Variants in HMGA2 observed in about 807,000 individuals in gnomAD.
HMGA2 encodes the protein high mobility group protein HMGI-C.
A neutral mutation model predicts 19.1 loss-of-function variants in HMGA2; 8 were observed. The ratio of observed to expected loss-of-function variants is 0.42; its 90% CI spans 0.25 to 0.76. The LOEUF (loss-of-function observed/expected upper bound fraction) is 0.76. Ranked by LOEUF, HMGA2 falls within the 30% of genes least tolerant of loss-of-function variation. HMGA2 has a pLI of 0.28. For synonymous variants in HMGA2, 60 were observed against 48.8 expected (o/e 1.23, Z -0.96); for missense variants, 109 against 136.3 (o/e 0.80, Z 1.00).
At chr12:65,839,661 A>G (rs1870908842) in intron 3 of HMGA2, among the ~76,000 whole-genome samples, 1 of 152,200 alleles carries the variant, frequency 6.6e-6, no homozygotes, top group Non-Finnish European at 1.5e-5. Context: ...GATGATCTTT[A>G]GATGAAAAAC....
At chr12:65,897,269 C>T (rs975635882) in intron 3 of HMGA2, among the ~76,000 whole-genome samples, 1 of 152,058 alleles carries the variant, frequency 6.6e-6, no homozygotes, top group African/African-American at 2.4e-5. Context: ...TTAATGTACA[C>T]TTAAATTATT....
chr12:65,961,220 A>C (rs1876741463), intron 4 of HMGA2, among the ~76,000 whole-genome samples: 2 of 152,316 alleles, frequency 1.3e-5, no homozygotes, highest in South Asian at 4.1e-4. Context: ...TCAGAATGAG[A>C]AGTGAATCAT....
At chr12:65,952,401 T>C in intron 4 of HMGA2, 1 of 1,534,954 alleles carries the variant, frequency 6.5e-7, no homozygotes, top group Non-Finnish European at 8.7e-7. Flanking sequence ...CAATCTTATA[T>C]ATCTACTGTT....
At chr12:65,892,357 G>A (rs1463734982) in intron 3 of HMGA2, among the ~76,000 whole-genome samples, 1 of 152,104 alleles carries the variant, frequency 6.6e-6, no homozygotes, top group Non-Finnish European at 1.5e-5. Flanking sequence ...AGCACCACGA[G>A]AGTCGTCCCA....
chr12:65,878,924 T>C (rs1213860100), intron 3 of HMGA2, among the ~76,000 whole-genome samples: 2 of 152,210 alleles, frequency 1.3e-5, no homozygotes, highest in African/African-American at 2.4e-5. Context: ...ATAGGTAAGA[T>C]AGAAAGTGTA....
At chr12:65,896,108 G>T (rs897072186) in intron 3 of HMGA2, among the ~76,000 whole-genome samples, 1 of 152,334 alleles carries the variant, frequency 6.6e-6, no homozygotes, top group Admixed American at 6.5e-5. Flanking sequence ...TAGAAGTTCT[G>T]TAGTTCATCC....
chr12:65,877,812 T>C (rs1873130490), intron 3 of HMGA2, among the ~76,000 whole-genome samples: 1 of 149,190 alleles, frequency 6.7e-6, no homozygotes, highest in Non-Finnish European at 1.5e-5. Flanking sequence ...TTGTCTTTGC[T>C]TCAAAAAAAA....
At chr12:65,959,671 G>T (rs1430614571) in intron 4 of HMGA2, among the ~76,000 whole-genome samples, 2 of 152,154 alleles carry the variant, frequency 1.3e-5, no homozygotes, top group Non-Finnish European at 2.9e-5. Flanking sequence ...CTTGACCAAA[G>T]AGTGGCTGTT....
chr12:65,919,238 CT>C (rs1875217215), intron 3 of HMGA2, among the ~76,000 whole-genome samples: 2 of 152,298 alleles, frequency 1.3e-5, no homozygotes, highest in South Asian at 4.1e-4. Flanking sequence ...GTCTTTATTA[CT>C]CACCCTAACA....
intron 3 of HMGA2, among the ~76,000 whole-genome samples, chr12:65,911,064 A>T (rs1158270377): frequency 3.3e-5 from 5 of 152,228 alleles, no homozygotes; most frequent in Non-Finnish European, 5.9e-5. Flanking sequence ...AATATTAAGA[A>T]ATAAGCCTTC....
In HMGA2 at chr12:65,873,396, A is replaced by AT. The variant is rs1391013981; in HGVS notation, c.249+34834dup. On this transcript the variant is annotated intron_variant, in intron 3 of 4. Transcript: ENST00000403681. Reference sequence around the variant, plus strand: ...AAATGGCTTATTTCCTTTTCTCAATATTTTTTTCGTACTGAATCTAGGCTA... The same window carrying AT: ...AAATGGCTTATTTCCTTTTCTCAATATTTTTTTTCGTACTGAATCTAGGCTA... Among the ~76,000 whole-genome samples the AT allele has an allele frequency of 8.0e-5, 11 of 137,090 alleles. No homozygotes were observed. The South Asian group carries it at 2.2e-3, about 28-fold the overall frequency. 89.9% of individuals were successfully genotyped at this position (137,090 alleles called of 152,430 possible).
chr12:65,947,286 A>G (rs1054653088), intron 3 of HMGA2, among the ~76,000 whole-genome samples: 8 of 152,108 alleles, frequency 5.3e-5, no homozygotes, highest in South Asian at 2.1e-4. Context: ...TACCTGGCTA[A>G]TTATTTTTAA....
intron 3 of HMGA2, among the ~76,000 whole-genome samples, chr12:65,853,101 G>T (rs550762915): frequency 6.6e-6 from 1 of 152,166 alleles, no homozygotes; most frequent in Non-Finnish European, 1.5e-5. Context: ...GAAGGTTGCC[G>T]ACTGACGTGT....
intron 3 of HMGA2, among the ~76,000 whole-genome samples, chr12:65,920,217 CT>C (rs1298230360): frequency 6.6e-6 from 1 of 152,042 alleles, no homozygotes; most frequent in Non-Finnish European, 1.5e-5. Flanking sequence ...AACTTGCAGT[CT>C]GAGGATGTGC....
chr12:65,940,728 G>T (rs1876065266), intron 3 of HMGA2, among the ~76,000 whole-genome samples: 2 of 152,130 alleles, frequency 1.3e-5, no homozygotes, highest in Non-Finnish European at 2.9e-5. Context: ...ACCTGGGTGG[G>T]TGTTATAGTT....
At chr12:65,893,846 G>T (rs1874019329) in intron 3 of HMGA2, among the ~76,000 whole-genome samples, 1 of 152,230 alleles carries the variant, frequency 6.6e-6, no homozygotes, top group Non-Finnish European at 1.5e-5. Context: ...ACTGTATTTA[G>T]AGTATAGCCT....
chr12:65,901,692 A>G (rs1173633165), intron 3 of HMGA2, among the ~76,000 whole-genome samples: 1 of 152,212 alleles, frequency 6.6e-6, no homozygotes, highest in East Asian at 1.9e-4. Context: ...TACACTTATG[A>G]ATATGTATAT....
chr12:65,902,218 A>G (rs560955882), intron 3 of HMGA2, among the ~76,000 whole-genome samples: 1 of 152,236 alleles, frequency 6.6e-6, no homozygotes, highest in South Asian at 2.1e-4. Flanking sequence ...CAGTTTCTTA[A>G]GAGAACTGAC....
chr12:65,919,871 T>C (rs372656125), intron 3 of HMGA2, among the ~76,000 whole-genome samples: 1 of 152,332 alleles, frequency 6.6e-6, no homozygotes, highest in African/African-American at 2.4e-5. Context: ...GATTCAAAGC[T>C]TCTTACAAAG....
Sources: allele counts gnomAD v4.1 joint callset (sites outside exome capture counted in the v4.1 genomes callset), GRCh38; gene constraint gnomAD v4.1.1; transcripts MANE v1.5; gene names NCBI Gene and HGNC (gene_info 2026-07-23, HGNC 2026-07-21).